SDHAF4: variants seen among roughly 807,000 people sequenced by gnomAD.
The protein encoded by SDHAF4 is succinate dehydrogenase complex assembly factor 4.
SDHAF4 carries 14 observed loss-of-function variants against 14.3 expected under a neutral mutation model. That is an observed-to-expected ratio of 0.98 (90% CI 0.65 to 1.53). The LOEUF (loss-of-function observed/expected upper bound fraction) is 1.53. Ranked by LOEUF, SDHAF4 falls within the 40% of genes most tolerant of loss-of-function variation. The probability of loss-of-function intolerance (pLI) is 0.00; values close to 1 mark genes in which losing one functional copy is unlikely to be tolerated. For synonymous variants in SDHAF4, 63 were observed against 47.3 expected (o/e 1.33, Z -1.36); for missense variants, 141 against 129.3 (o/e 1.09, Z -0.44).
intron 2 of SDHAF4, among the ~76,000 whole-genome samples, chr6:70,585,828 G>A (rs1192132788): frequency 8.0e-6 from 1 of 124,848 alleles, no homozygotes; most frequent in Non-Finnish European, 1.7e-5. Flanking sequence ...TTTTTCTTTT[G>A]CCTGAGGGGC....
intron 1 of SDHAF4, among the ~76,000 whole-genome samples, chr6:70,574,329 G>GAAAAAAAAAAAAAAGAA (rs113017217): frequency 7.0e-6 from 1 of 143,692 alleles, no homozygotes; most frequent in Non-Finnish European, 1.5e-5. Flanking sequence ...CAAAAAAAAA[G>GAAAAAAAAAAAAAAGAA]AAAAAAAAAA....
At chr6:70,589,972 C>T (rs1351483694), downstream of SDHAF4, among the ~76,000 whole-genome samples, 2 of 151,850 alleles carry the variant, frequency 1.3e-5, no homozygotes, top group Non-Finnish European at 2.9e-5. Context: ...AGTACATATT[C>T]GATGCCTGTA....
At chr6:70,584,117 G>A (rs754586935) in intron 2 of SDHAF4, among the ~76,000 whole-genome samples, 4 of 152,008 alleles carry the variant, frequency 2.6e-5, no homozygotes, top group Non-Finnish European at 5.9e-5. Flanking sequence ...CCTCTGCCTC[G>A]GGTTCAAGCG....
At position 70,581,209 on chromosome 6, in the gene SDHAF4, C is replaced by T. The variant is rs180910033; in HGVS notation, c.217+1643C>T. ...CCTCCCAAAGTGCTGGGATTACAGG[C>T]GTGAGCCACTGTGTCTGGCAGTGAA... On this transcript the variant is annotated intron_variant, in intron 2 of 2. Transcript: ENST00000370474. 5.7e-3 allele frequency among the ~76,000 whole-genome samples: 858 copies of T among 151,774 alleles called. 3 individuals carry two copies. The highest frequency in any genetic ancestry group is 8.2e-3 in the Non-Finnish European group (558 of 67,912).
intron 1 of SDHAF4, among the ~76,000 whole-genome samples, chr6:70,569,342 C>T (rs1187066524): frequency 6.6e-6 from 1 of 151,822 alleles, no homozygotes; most frequent in Admixed American, 6.6e-5. Flanking sequence ...GATCTCAGCT[C>T]ACTGCAACAT....
At chr6:70,574,789 A>G (rs893075480) in intron 1 of SDHAF4, among the ~76,000 whole-genome samples, 4 of 152,182 alleles carry the variant, frequency 2.6e-5, no homozygotes, top group Non-Finnish European at 4.4e-5. Context: ...TTAGCTGGGC[A>G]TGGTGTTGTG....
chr6:70,587,197 C>CACACACACACACACACACAA (rs1491051249), intron 2 of SDHAF4, among the ~76,000 whole-genome samples: 6 of 147,144 alleles, frequency 4.1e-5, no homozygotes, highest in African/African-American at 1.5e-4. Context: ...CACACACACA[C>CACACACACACACACACACAA]AAGAATTAGG....
chr6:70,590,560 A>C (rs771071685), downstream of SDHAF4, among the ~76,000 whole-genome samples: 8 of 152,212 alleles, frequency 5.3e-5, no homozygotes, highest in African/African-American at 1.9e-4. Flanking sequence ...GGGTCCAGTC[A>C]GTCTTAGCCA....
At chr6:70,569,455 A>G (rs1802152707) in intron 1 of SDHAF4, among the ~76,000 whole-genome samples, 1 of 152,090 alleles carries the variant, frequency 6.6e-6, no homozygotes, top group Admixed American at 6.6e-5. Context: ...TTTTTGGTAG[A>G]GACAGGGTTT....
rs1368399716 is a variant in SDHAF4 at position 70,568,815 on chromosome 6, C to T, written c.64+1811C>T. On this transcript the variant is annotated intron_variant, in intron 1 of 2. Coordinates refer to ENST00000370474, the MANE Select transcript of SDHAF4 (RefSeq NM_145267.3). ...GAGTTCTGTTGTTCCACAAACTTGC[C>T]GAAACTTAATTTTGCCTTAGGTTTT... 3.9e-5 allele frequency among the ~76,000 whole-genome samples: 6 copies of T among 152,002 alleles called. No homozygotes were observed. The East Asian group carries it at 9.6e-4, about 24-fold the overall frequency.
chr6:70,583,880 A>G (rs1765169208), intron 2 of SDHAF4, among the ~76,000 whole-genome samples: 1 of 152,224 alleles, frequency 6.6e-6, no homozygotes, highest in African/African-American at 2.4e-5. Context: ...CTGAAATCCC[A>G]GGTTACAGTG....
At chr6:70,567,912 C>G (rs565086860) in intron 1 of SDHAF4, among the ~76,000 whole-genome samples, 7 of 152,286 alleles carry the variant, frequency 4.6e-5, no homozygotes, top group Admixed American at 3.3e-4. Flanking sequence ...GTCTCGATCT[C>G]CTGACCTTGT....
At chr6:70,567,047 G>C (rs1298779096) in intron 1 of SDHAF4, 43 bp downstream of exon 1, 1 of 1,533,802 alleles carries the variant, frequency 6.5e-7, no homozygotes, top group African/African-American at 1.4e-5. Flanking sequence ...GAGGGGTCGT[G>C]AAGGCCCAGG....
At chr6:70,582,180 G>A (rs1244108878) in intron 2 of SDHAF4, among the ~76,000 whole-genome samples, 3 of 152,026 alleles carry the variant, frequency 2.0e-5, no homozygotes, top group Non-Finnish European at 4.4e-5. Flanking sequence ...TCCCTACTCA[G>A]CCTCTCCTGT....
rs1409822999 is a variant in SDHAF4 at position 70,589,504 on chromosome 6, A to AT, written c.*785dup. 9.2e-5 allele frequency: 14 copies of AT among 152,164 alleles called. No individual in the cohort carries two copies. The highest frequency in any genetic ancestry group is 2.1e-4 in the Non-Finnish European group (14 of 68,034). 9.4% of individuals were successfully genotyped at this position (152,164 alleles called of 1,614,324 possible). On this transcript the variant is annotated 3_prime_UTR_variant, in exon 3 of 3. Transcript: ENST00000370474. ...TAGAGCTGTAGGCCTTTACTTCATCATTTTTCAGTTTAAATTAATCAGTTG... is the reference window on the plus strand; with the variant it reads ...TAGAGCTGTAGGCCTTTACTTCATCATTTTTTCAGTTTAAATTAATCAGTTG...
In SDHAF4 at chr6:70,580,451, G is replaced by A. The variant is rs2691491; in HGVS notation, c.217+885G>A. The stretch of plus-strand genomic sequence containing the variant: ...TCAAAAAATCAAACTTAGAACTACC[G>A]TTTGACCCAGCAGTTCCACTCTTAG... On this transcript the variant is annotated intron_variant, in intron 2 of 2. Transcript: ENST00000370474. 8.1e-3 allele frequency among the ~76,000 whole-genome samples: 1,240 copies of A among 152,230 alleles called. 16 individuals carry two copies. Among genetic ancestry groups the A allele is most frequent in the African/African-American group, 0.027 (1,138 of 41,536 alleles).
chr6:70,579,029 T>C (rs966706258), intron 1 of SDHAF4, among the ~76,000 whole-genome samples: 1 of 152,208 alleles, frequency 6.6e-6, no homozygotes, highest in African/African-American at 2.4e-5. Context: ...TTGATTAGGA[T>C]TTAAATGTAG....
chr6:70,575,107 A>G (rs1317347882), intron 1 of SDHAF4, among the ~76,000 whole-genome samples: 1 of 152,172 alleles, frequency 6.6e-6, no homozygotes, highest in Non-Finnish European at 1.5e-5. Context: ...GCTTTGCACC[A>G]TGGCTTATGC....
rs1765232780 is a variant in SDHAF4, at chr6:70,588,848, T to C, written c.*124T>C. On this transcript the variant is annotated 3_prime_UTR_variant, in exon 3 of 3. Transcript: ENST00000370474. ...AGTTTGTATAATGTGTTTAAATATA[T>C]ATATATATGATGGCTTTGGAAGAAA... 3 of 344,678 alleles carry C rather than the reference T, an allele frequency of 8.7e-6. No homozygotes were observed. Among genetic ancestry groups the C allele is most frequent in the Non-Finnish European group, 1.6e-5 (3 of 187,402 alleles). The allele number at this position is 344,678 out of a possible 1,614,324, so 21.4% of individuals were successfully genotyped here. A position where few individuals can be genotyped will look rare whatever the true frequency, so the allele number is the denominator to read the frequency against.
Sources: gnomAD v4.1 joint callset for allele counts (sites outside exome capture counted in the v4.1 genomes callset) on GRCh38, gnomAD v4.1.1 for gene constraint, MANE v1.5 for transcripts, NCBI Gene and HGNC (gene_info 2026-07-23, HGNC 2026-07-21) for gene names.